The following B3GALNT2 variants were observed in gnomAD, a reference collection of about 807,000 sequenced individuals.
B3GALNT2 encodes the protein UDP-GalNAc:beta-1,3-N-acetylgalactosaminyltransferase 2.
In B3GALNT2, 53 loss-of-function variants were observed where a neutral mutation model predicts 61.1. The observed-to-expected ratio is 0.87, with a 90% confidence interval of 0.70 to 1.09. The LOEUF is 1.09. B3GALNT2 is among the 50% of genes least tolerant of loss of function. B3GALNT2 has a pLI of 0.00. For missense variants in B3GALNT2, 544 were observed against 623.0 expected (o/e 0.87, Z 1.35); for synonymous variants, 223 against 237.4 (o/e 0.94, Z 0.56).
intron 3 of B3GALNT2, among the ~76,000 whole-genome samples, chr1:235,485,638 T>C (rs924592296): frequency 1.3e-5 from 2 of 152,192 alleles, no homozygotes; most frequent in African/African-American, 4.8e-5. Flanking sequence ...TCAGAATACA[T>C]TAAATAAAGC....
downstream of B3GALNT2, chr1:235,442,786 G>C: frequency 6.7e-7 from 1 of 1,486,538 alleles, no homozygotes; most frequent in South Asian, 1.2e-5. Flanking sequence ...CTGTTGATGT[G>C]TGTGGATAAT....
chr1:235,500,290 C>G (rs974204114), intron 1 of B3GALNT2, among the ~76,000 whole-genome samples: 2 of 152,052 alleles, frequency 1.3e-5, no homozygotes, highest in East Asian at 3.9e-4. Flanking sequence ...GTCAGGAGTT[C>G]GAGACCAGCC....
chr1:235,441,641 A>G, the B3GALNT2 span: 1 of 619,286 alleles, frequency 1.6e-6, no homozygotes, highest in South Asian at 1.9e-5. Context: ...TGCCCTTGGA[A>G]GTGGTCGTTG....
chr1:235,489,613 T>C (rs1281486365), intron 2 of B3GALNT2, among the ~76,000 whole-genome samples: 1 of 152,244 alleles, frequency 6.6e-6, no homozygotes, highest in African/African-American at 2.4e-5. Context: ...AATTTTCCTT[T>C]GCTGCCTTCT....
In B3GALNT2 at chr1:235,448,642, T is replaced by A. The variant is rs1243876108; in HGVS notation, c.*1564A>T. 6.3e-7 allele frequency: 1 copy of A among 1,588,990 alleles called. No individual in the cohort carries two copies. Among genetic ancestry groups the A allele is most frequent in the Non-Finnish European group, 8.6e-7 (1 of 1,157,582 alleles). ...CTTTATCGGATCTGTCTTAATCACA[T>A]CCTTCCCCACCTTCGTTCTAATTTT... On this transcript the variant is annotated 3_prime_UTR_variant, in exon 12 of 12. Transcript: ENST00000366600.
intron 3 of B3GALNT2, among the ~76,000 whole-genome samples, chr1:235,485,506 C>T (rs959131492): frequency 1.3e-5 from 2 of 152,058 alleles, no homozygotes; most frequent in African/African-American, 4.8e-5. Context: ...GGGGTCTCAT[C>T]ATGTTACCCA....
rs745693915 is a variant in B3GALNT2 at position 235,455,654 on chromosome 1, C to T, written c.1056G>A (p.Leu352=). Residue 352 remains leucine, a synonymous_variant, in exon 9 of 12, where the codon TTG becomes TTA. Coordinates refer to ENST00000366600, the MANE Select transcript of B3GALNT2 (RefSeq NM_152490.5). ...WTVETTSFNL[L]LKTDDDCYID... ...TGTAACAGTCATCATCTGTCTTCAG[C>T]AACAAATTGAAGCTCGTTGTTTCCA... 4.4e-6 allele frequency: 7 copies of T among 1,607,388 alleles called. No homozygotes were observed. In the African/African-American group the frequency reaches 5.4e-5, roughly 12 times the overall value.
chr1:235,465,204 T>G (rs1683627833), intron 7 of B3GALNT2: 1 of 153,522 alleles, frequency 6.5e-6, no homozygotes, highest in Non-Finnish European at 1.4e-5. Flanking sequence ...ATAGGGCATA[T>G]CGATGCAATA....
At chr1:235,465,962 A>T (rs1187631722) in intron 6 of B3GALNT2, among the ~76,000 whole-genome samples, 1 of 152,190 alleles carries the variant, frequency 6.6e-6, no homozygotes, top group Non-Finnish European at 1.5e-5. Context: ...TGCAACTTAC[A>T]TAGAATCATG....
In B3GALNT2 at chr1:235,449,998, A is replaced by G. The variant is rs750154992; in HGVS notation, c.*208T>C. ...GATAATCTTCCAATAGATAAATAAA[A>G]ACTTTTCTTATGCTACAGTACAAGT... On this transcript the variant is annotated 3_prime_UTR_variant, in exon 12 of 12. Coordinates refer to ENST00000366600, the MANE Select transcript of B3GALNT2 (RefSeq NM_152490.5). 9.1e-6 allele frequency: 4 copies of G among 441,976 alleles called. No homozygotes were observed. The highest frequency in any genetic ancestry group is 4.0e-5 in the African/African-American group (2 of 50,124). The allele number at this position is 441,976 out of a possible 1,614,324, so 27.4% of individuals were successfully genotyped here. A position where few individuals can be genotyped will look rare whatever the true frequency, so the allele number is the denominator to read the frequency against.
At chr1:235,450,363 G>T (rs754486562) in intron 11 of B3GALNT2, 23 bp from the exon 12 acceptor site, 7 of 1,611,934 alleles carry the variant, frequency 4.3e-6, no homozygotes, top group Non-Finnish European at 5.9e-6. Context: ...AACCAAAGCC[G>T]ATCTGAGAGT....
In B3GALNT2 at chr1:235,454,186, T is replaced by C; in HGVS notation, c.1281A>G (p.Ala427=). The C allele has an allele frequency of 6.2e-7, 1 of 1,612,162 alleles. No individual in the cohort carries two copies. Among genetic ancestry groups the C allele is most frequent in the Non-Finnish European group, 8.5e-7 (1 of 1,179,206 alleles). The change falls in exon 10 of 12, where the codon GCA becomes GCG. Residue 427 remains alanine, a synonymous_variant. Transcript: ENST00000366600. The stretch of plus-strand genomic sequence containing the variant: ...AGGTCTTTAACCTCCCCGAGTTGCT[T>C]GCCAGCCACTTGACGATGTCCTTGG... ...VISKDIVKWL[A]SNSGRLKTYQ...
At chr1:235,502,861 T>C (rs1685644791) in intron 1 of B3GALNT2, among the ~76,000 whole-genome samples, 1 of 152,358 alleles carries the variant, frequency 6.6e-6, no homozygotes, top group Non-Finnish European at 1.5e-5. Context: ...TTTTTATATA[T>C]GGCGTTCTCT....
intron 5 of B3GALNT2, among the ~76,000 whole-genome samples, chr1:235,475,899 G>C (rs1401067167): frequency 6.6e-6 from 1 of 151,906 alleles, no homozygotes; most frequent in Non-Finnish European, 1.5e-5. Flanking sequence ...AGTTGCCCAG[G>C]CTGGTCGTCT....
In B3GALNT2 at chr1:235,448,289, C is replaced by G. The variant is rs1386737616; in HGVS notation, c.*1917G>C. 3.7e-6 allele frequency: 5 copies of G among 1,336,762 alleles called. No individual in the cohort carries two copies. The highest frequency in any genetic ancestry group is 3.4e-5 in the Admixed American group (2 of 59,320). The allele number at this position is 1,336,762 out of a possible 1,614,324, so 82.8% of individuals were successfully genotyped here. A position where few individuals can be genotyped will look rare whatever the true frequency, so the allele number is the denominator to read the frequency against. On this transcript the variant is annotated 3_prime_UTR_variant, in exon 12 of 12. Transcript: ENST00000366600. ...TGATACTGTGGTCTCATCACATGAG[C>G]TAGTTTTACAGGTAACTGTCATTTG...
downstream of B3GALNT2, among the ~76,000 whole-genome samples, chr1:235,445,465 C>T (rs1286748315): frequency 6.6e-6 from 1 of 151,994 alleles, no homozygotes; most frequent in Non-Finnish European, 1.5e-5. Flanking sequence ...CCCGTCTCTA[C>T]AAAAATAAAT....
chr1:235,489,554 T>C (rs1558437621), intron 2 of B3GALNT2, among the ~76,000 whole-genome samples: 1 of 152,218 alleles, frequency 6.6e-6, no homozygotes, highest in Non-Finnish European at 1.5e-5. Context: ...AAGCAAACTA[T>C]AGTAAAGTCA....
At chr1:235,459,389 G>A (rs1166423753) in intron 7 of B3GALNT2, among the ~76,000 whole-genome samples, 4 of 152,166 alleles carry the variant, frequency 2.6e-5, no homozygotes, top group African/African-American at 7.2e-5. Flanking sequence ...CCGTGAAGCC[G>A]AGGGAGGAGA....
At chr1:235,478,979 G>A (rs998826287) in intron 5 of B3GALNT2, 2 of 149,536 alleles carry the variant, frequency 1.3e-5, no homozygotes, top group Non-Finnish European at 3.0e-5. Flanking sequence ...GACTGCTTTT[G>A]CGGAGCAGGC....
Sources: gnomAD v4.1 joint callset for allele counts (sites outside exome capture counted in the v4.1 genomes callset) on GRCh38, gnomAD v4.1.1 for gene constraint, MANE v1.5 for transcripts, NCBI Gene and HGNC (gene_info 2026-07-23, HGNC 2026-07-21) for gene names.